CPSF6: variants seen among roughly 807,000 people sequenced by gnomAD.
The protein encoded by CPSF6 is cleavage and polyadenylation specific factor 6.
A neutral mutation model predicts 56.7 loss-of-function variants in CPSF6; 10 were observed. The observed-to-expected ratio is 0.18, with a 90% CI of 0.11 to 0.30. The LOEUF (loss-of-function observed/expected upper bound fraction) is 0.30, where lower values mean the gene tolerates loss of function less well. Among genes scored for constraint, CPSF6 ranks in the 10% least tolerant of loss-of-function variants. The pLI is 1.00. For missense variants in CPSF6, 419 were observed against 722.9 expected, an observed-to-expected ratio of 0.58 and a Z score of 4.82; for synonymous variants, 248 against 244.8, an observed-to-expected ratio of 1.01 and a Z score of -0.12.
At chr12:69,257,980 G>A in intron 5 of CPSF6, 75 bp downstream of exon 5, 1 of 1,560,416 alleles carries the variant, frequency 6.4e-7, no homozygotes, top group Admixed American at 1.8e-5. Flanking sequence ...TCTTTTTCAA[G>A]TAATGCATTA....
At position 69,253,159 on chromosome 12, in the gene CPSF6, GTTTT is replaced by G; in HGVS notation, c.374+12_374+15del. ...GGCAAATGGCCAGTCAAAGGGGTAAGTTTTTTTTTTCTTTCTTTTTGATTTAGTA... is the reference window on the plus strand; with the variant it reads ...GGCAAATGGCCAGTCAAAGGGGTAAGTTTTTTCTTTCTTTTTGATTTAGTA... On this transcript the variant is annotated splice_donor_region_variant and intron_variant, in intron 3 of 9. Coordinates refer to ENST00000435070, the MANE Select transcript of CPSF6 (RefSeq NM_007007.3). The G allele has an allele frequency of 2.4e-6, 3 of 1,266,036 alleles. No homozygotes were observed. The highest frequency in any genetic ancestry group is 2.0e-4 in the Middle Eastern group (1 of 5,032). 78.4% of individuals were successfully genotyped at this position (1,266,036 alleles called of 1,614,324 possible).
In CPSF6 at chr12:69,270,652, G is replaced by A. The variant is rs1389999115; in HGVS notation, c.*1144G>A. 6.6e-6 allele frequency: 1 copy of A among 151,702 alleles called. No homozygotes were observed. Among genetic ancestry groups the A allele is most frequent in the Non-Finnish European group, 1.5e-5 (1 of 67,680 alleles). 9.4% of individuals were successfully genotyped at this position (151,702 alleles called of 1,614,324 possible). On this transcript the variant is annotated 3_prime_UTR_variant, in exon 10 of 10. Transcript: ENST00000435070. ...ATTACAGATAAACCGTGTCTGCACA[G>A]TTTAAGGAATACTATGTATATTCAT...
chr12:69,239,610 AGGCGGC>A lies in CPSF6; in HGVS notation c.-21_-16del, dbSNP rs574075893. 63 of 1,472,038 alleles carry A rather than the reference AGGCGGC, an allele frequency of 4.3e-5. No homozygotes were observed. Among genetic ancestry groups the A allele is most frequent in the Non-Finnish European group, 4.1e-5 (45 of 1,094,754 alleles). 91.2% of individuals were successfully genotyped at this position (1,472,038 alleles called of 1,614,324 possible). On this transcript the variant is annotated 5_prime_UTR_variant, in exon 1 of 10. Transcript: ENST00000435070. ...CTGCCGCGGCGGGCAGACCTGCAGG[AGGCGGC>A]GGCGGCGGCGGCGGCCGAGGCTGAA... is the stretch of plus-strand genomic sequence containing the variant.
At chr12:69,241,655 G>A (rs1871628757) in intron 1 of CPSF6, among the ~76,000 whole-genome samples, 1 of 152,190 alleles carries the variant, frequency 6.6e-6, no homozygotes, top group South Asian at 2.1e-4. Context: ...TGCTGACTGG[G>A]CAGGAGGTAA....
rs752297565 is a variant in CPSF6, at chr12:69,258,005, T to A, written c.694+100T>A. ...GTAATGCATTATTAATGTGACTTAC[T>A]CTCCTTGTTATGCTATTTTTGGAAT... On this transcript the variant is annotated intron_variant, in intron 5 of 9. Coordinates refer to ENST00000435070, the MANE Select transcript of CPSF6 (RefSeq NM_007007.3). This position sits in a 1 kb window ranked among gnomAD's most constrained non-coding sequence, Gnocchi z 4.2. 1.3e-6 allele frequency: 2 copies of A among 1,536,736 alleles called. No homozygotes were observed. Among genetic ancestry groups the A allele is most frequent in the South Asian group, 2.3e-5 (2 of 85,416 alleles).
At position 69,258,497 on chromosome 12, in the gene CPSF6, T is replaced by C. The variant is rs1477913721; in HGVS notation, c.695-93T>C. The C allele has an allele frequency of 3.9e-6, 5 of 1,284,632 alleles. No homozygotes were observed. Among genetic ancestry groups the C allele is most frequent in the African/African-American group, 1.5e-5 (1 of 66,578 alleles). The allele number at this position is 1,284,632 out of a possible 1,614,324, so 79.6% of individuals were successfully genotyped here. ...TTAAAGACAAAGACTTGGTGTATGC[T>C]CTATGCGTTTAAAGTATAATCTTGG... On this transcript the variant is annotated intron_variant, in intron 5 of 9. Coordinates refer to ENST00000435070, the MANE Select transcript of CPSF6 (RefSeq NM_007007.3). This position sits in a 1 kb window ranked among gnomAD's most constrained non-coding sequence, Gnocchi z 4.2.
chr12:69,257,993 A>G (rs1872582745), intron 5 of CPSF6, 88 bp downstream of exon 5: 1 of 1,542,630 alleles, frequency 6.5e-7, no homozygotes, highest in African/African-American at 1.4e-5. Flanking sequence ...ATGCATTATT[A>G]ATGTGACTTA....
At chr12:69,246,381 T>C (rs940918905) in intron 1 of CPSF6, among the ~76,000 whole-genome samples, 11 of 152,220 alleles carry the variant, frequency 7.2e-5, no homozygotes, top group South Asian at 2.1e-4. Context: ...CTAGGTAGAA[T>C]TGATTCAGAA....
chr12:69,256,878 A>G (rs1872533707), intron 4 of CPSF6, 36 bp downstream of exon 4: 1 of 1,555,134 alleles, frequency 6.4e-7, no homozygotes, highest in Non-Finnish European at 8.7e-7. Flanking sequence ...TAAAATATGT[A>G]CATTTTAACC....
chr12:69,259,008 T>A lies in CPSF6; in HGVS notation c.1113T>A (p.Pro371=), dbSNP rs533226970. The change falls in exon 6 of 10, where the codon CCT becomes CCA. Residue 371 remains proline (P), a synonymous_variant. Coordinates refer to ENST00000435070, the MANE Select transcript of CPSF6 (RefSeq NM_007007.3). ...CTCCACCAACTAACAGTGGCATGCC[T>A]ACATCAGATAGCCGAGGTCCACCAC... ...FFPPPTNSGM[P]TSDSRGPPPT... The A allele has an allele frequency of 6.2e-7, 1 of 1,611,246 alleles. No homozygotes were observed. The highest frequency in any genetic ancestry group is 1.1e-5 in the South Asian group (1 of 91,072).
rs1234246024 is a variant in CPSF6, at chr12:69,271,577, TCTC to T, written c.*2072_*2074del. The T allele has an allele frequency of 1.3e-5, 2 of 151,720 alleles. No homozygotes were observed. The highest frequency in any genetic ancestry group is 4.8e-5 in the African/African-American group (2 of 41,408). 9.4% of individuals were successfully genotyped at this position (151,720 alleles called of 1,614,324 possible). On this transcript the variant is annotated 3_prime_UTR_variant, in exon 10 of 10. Coordinates refer to ENST00000435070, the MANE Select transcript of CPSF6 (RefSeq NM_007007.3). Reference sequence around the variant, plus strand: ...TTAATTGCTCCTTCTATATCACTCTTCTCCTTGCTTGGCTGATCTCATTACATG... The same window carrying T: ...TTAATTGCTCCTTCTATATCACTCTTCTTGCTTGGCTGATCTCATTACATG...
rs1873321882 is a variant in CPSF6 at position 69,273,001 on chromosome 12, A to T, written c.*3493A>T. The T allele has an allele frequency of 2.0e-5, 5 of 253,158 alleles. No individual in the cohort carries two copies. Among genetic ancestry groups the T allele is most frequent in the Non-Finnish European group, 4.1e-5 (5 of 120,992 alleles). The allele number at this position is 253,158 out of a possible 1,614,324, so 15.7% of individuals were successfully genotyped here. A position where few individuals can be genotyped will look rare whatever the true frequency, so the allele number is the denominator to read the frequency against. The stretch of plus-strand genomic sequence containing the variant: ...AGACTGATTTTTTCAATAAATATTC[A>T]ACCAAAAATTATAAATTTATTAAGA... On this transcript the variant is annotated 3_prime_UTR_variant, in exon 10 of 10. Coordinates refer to ENST00000435070, the MANE Select transcript of CPSF6 (RefSeq NM_007007.3).
In CPSF6 at chr12:69,239,571, T is replaced by C. The variant is rs2120373396; in HGVS notation, c.-76T>C. The stretch of plus-strand genomic sequence containing the variant: ...GACGCAAGCGCCCCCCCACCGCCGC[T>C]AGATCCGCTGCTGCTGCCGCGGCGG... On this transcript the variant is annotated 5_prime_UTR_variant, in exon 1 of 10. Coordinates refer to ENST00000435070, the MANE Select transcript of CPSF6 (RefSeq NM_007007.3). The C allele has an allele frequency of 1.3e-6, 2 of 1,496,672 alleles. No homozygotes were observed. Among genetic ancestry groups the C allele is most frequent in the East Asian group, 2.8e-5 (1 of 35,236 alleles). 92.7% of individuals were successfully genotyped at this position (1,496,672 alleles called of 1,614,324 possible).
rs1872518930 is a variant in CPSF6 at position 69,256,574 on chromosome 12, ATGAGCCAC to A, written c.375-120_375-113del. Reference sequence around the variant, plus strand: ...CTTCTAAGCAGCTGGGATTACAGGCATGAGCCACTGTGCCCAGCTGTTGTTTTAGATAA... The same window carrying A: ...CTTCTAAGCAGCTGGGATTACAGGCATGTGCCCAGCTGTTGTTTTAGATAA... On this transcript the variant is annotated intron_variant, in intron 3 of 9. Coordinates refer to ENST00000435070, the MANE Select transcript of CPSF6 (RefSeq NM_007007.3). 202 of 945,810 alleles carry A rather than the reference ATGAGCCAC, an allele frequency of 2.1e-4. 3 individuals carry two copies. The South Asian group carries it at 3.4e-3, about 16-fold the overall frequency. 58.6% of individuals were successfully genotyped at this position (945,810 alleles called of 1,614,324 possible).
chr12:69,253,360 G>C (rs1223401571), intron 3 of CPSF6, among the ~76,000 whole-genome samples: 1 of 152,198 alleles, frequency 6.6e-6, no homozygotes, highest in Middle Eastern at 3.4e-3. Flanking sequence ...AAAACCAGTA[G>C]AGTGGAAATG....
At position 69,251,265 on chromosome 12, in the gene CPSF6, A is replaced by G; in HGVS notation, c.197A>G (p.Lys66Arg). ...LPPTVGDDVGKGAAPNVVYTY... is the reference protein window; with the variant it reads ...LPPTVGDDVGRGAAPNVVYTY... ...CCAACTGTTGGTGATGATGTGGGTA[A>G]AGGAGCAGCACCAAATGTTGTCTAT... The change falls in exon 2 of 10, where the codon AAA becomes AGA. Residue 66 changes from lysine to arginine, a missense_variant. Transcript: ENST00000435070. 1 of 1,612,044 alleles carries G rather than the reference A, an allele frequency of 6.2e-7. No homozygotes were observed. The highest frequency in any genetic ancestry group is 8.5e-7 in the Non-Finnish European group (1 of 1,179,076).
At chr12:69,240,570 C>G (rs1336381835) in intron 1 of CPSF6, among the ~76,000 whole-genome samples, 1 of 152,136 alleles carries the variant, frequency 6.6e-6, no homozygotes, top group Admixed American at 6.5e-5. Context: ...TTAGCTCACC[C>G]ACAGATCTCA....
chr12:69,240,141 CGCCGCCCCTTCCCCGCCGCT>C (rs1871532263), intron 1 of CPSF6, among the ~76,000 whole-genome samples: 2 of 151,882 alleles, frequency 1.3e-5, no homozygotes, highest in South Asian at 4.2e-4. Flanking sequence ...TGCCCGCCGC[CGCCGCCCCTTCCCCGCCGCT>C]GCCGCTCGGG....
Position 69,239,607 on chromosome 12 carries a change from A to G in CPSF6, c.-40A>G, listed in dbSNP as rs1017797713. ...CTGCTGCCGCGGCGGGCAGACCTGC[A>G]GGAGGCGGCGGCGGCGGCGGCGGCC... On this transcript the variant is annotated 5_prime_UTR_variant, in exon 1 of 10. Transcript: ENST00000435070. The G allele has an allele frequency of 5.9e-6, 9 of 1,537,264 alleles. No homozygotes were observed. The highest frequency in any genetic ancestry group is 1.2e-5 in the South Asian group (1 of 82,236).
Sources: gnomAD v4.1 joint callset for allele counts (sites outside exome capture counted in the v4.1 genomes callset) on GRCh38, gnomAD v4.1.1 for gene constraint, Gnocchi (gnomAD v3.1) non-coding constraint, MANE v1.5 for transcripts, NCBI Gene and HGNC (gene_info 2026-07-23, HGNC 2026-07-21) for gene names.